The following PTPRD variants were observed in gnomAD, a reference collection of about 807,000 sequenced individuals.
PTPRD encodes protein tyrosine phosphatase receptor type D, also known as receptor-type tyrosine-protein phosphatase delta.
Under a neutral mutation model 214.5 loss-of-function variants are expected in PTPRD, and 34 were observed. The observed-to-expected ratio is 0.16, with a 90% CI of 0.12 to 0.21. The LOEUF is 0.21. Ranked by LOEUF, PTPRD falls within the 10% of genes least tolerant of loss-of-function variation. The pLI is 1.00. For synonymous variants in PTPRD, 1,128 were observed against 845.7 expected (o/e 1.33, Z -5.79); for missense variants, 2,545 against 2,398.7 (o/e 1.06, Z -1.27).
At chr9:8,957,782 G>A (rs577094968) in intron 11 of PTPRD, among the ~76,000 whole-genome samples, 1 of 151,850 alleles carries the variant, frequency 6.6e-6, no homozygotes, top group East Asian at 1.9e-4. Flanking sequence ...TCATATCTTA[G>A]TGGCCTAATG....
intron 11 of PTPRD, among the ~76,000 whole-genome samples, chr9:8,778,761 G>A (rs983836148): frequency 5.3e-5 from 8 of 152,080 alleles, no homozygotes; most frequent in Admixed American, 3.3e-4. Context: ...CTCTGAGACC[G>A]TGGCTACAAT....
Position 9,595,312 on chromosome 9 carries a change from T to A in PTPRD, c.-286-20531A>T, listed in dbSNP as rs989494186. ...ATTATATATATATATATATATATATTATATATATTTTATATATATAATATA... is the reference window on the plus strand; with the variant it reads ...ATTATATATATATATATATATATATAATATATATTTTATATATATAATATA... On this transcript the variant is annotated intron_variant, in intron 7 of 45. Coordinates refer to ENST00000381196, the MANE Select transcript of PTPRD (RefSeq NM_002839.4). 2.4e-3 allele frequency among the ~76,000 whole-genome samples: 194 copies of A among 81,704 alleles called. 1 individual carries two copies. The highest frequency in any genetic ancestry group is 5.7e-3 in the African/African-American group (187 of 32,874). The allele number at this position is 81,704 out of a possible 152,430, so 53.6% of individuals were successfully genotyped here. A position where few individuals can be genotyped will look rare whatever the true frequency, so the allele number is the denominator to read the frequency against.
At chr9:9,900,493 G>A (rs1174471322) in intron 5 of PTPRD, among the ~76,000 whole-genome samples, 2 of 152,026 alleles carry the variant, frequency 1.3e-5, no homozygotes, top group Non-Finnish European at 2.9e-5. Context: ...TACCTTCACT[G>A]TCCATATTTC....
intron 11 of PTPRD, among the ~76,000 whole-genome samples, chr9:8,863,175 TGTGTAGAGGAC>T (rs1209779971): frequency 6.6e-6 from 1 of 152,208 alleles, no homozygotes; most frequent in African/African-American, 2.4e-5. Context: ...TCACCTGCAG[TGTGTAGAGGAC>T]GTTATGGTAC....
rs751311350 is a variant in PTPRD at position 8,341,082 on chromosome 9, G to T, written c.5126+8C>A. The stretch of plus-strand genomic sequence containing the variant: ...GCTTTGGATAGTCAGGGGAGCAAAA[G>T]TAGATACCTGTATCCATCAATAAAA... On this transcript the variant is annotated splice_region_variant and intron_variant, in intron 41 of 45. Transcript: ENST00000381196. The T allele has an allele frequency of 5.7e-6, 9 of 1,583,926 alleles. No homozygotes were observed. Among genetic ancestry groups the T allele is most frequent in the Non-Finnish European group, 7.7e-6 (9 of 1,165,766 alleles).
intron 5 of PTPRD, among the ~76,000 whole-genome samples, chr9:9,870,774 A>C (rs914224210): frequency 1.3e-5 from 2 of 152,108 alleles, no homozygotes; most frequent in African/African-American, 4.8e-5. Flanking sequence ...ATTTATACAC[A>C]CACTCCAGGG....
chr9:8,449,960 C>T (rs1590826107), intron 33 of PTPRD, 123 bp from the exon 34 acceptor site: 2 of 921,800 alleles, frequency 2.2e-6, no homozygotes, highest in East Asian at 2.6e-5. Context: ...CTTTTCAACC[C>T]AGCTGACTTG....
chr9:8,973,800 T>A (rs2099252903), intron 11 of PTPRD, among the ~76,000 whole-genome samples: 1 of 152,184 alleles, frequency 6.6e-6, no homozygotes, highest in African/African-American at 2.4e-5. Flanking sequence ...TTGATTTGTA[T>A]TTCTCTGATG....
At chr9:8,887,992 T>C (rs2098506104) in intron 11 of PTPRD, among the ~76,000 whole-genome samples, 1 of 152,218 alleles carries the variant, frequency 6.6e-6, no homozygotes, top group South Asian at 2.1e-4. Context: ...ATTCATTATA[T>C]ATACCCACAA....
chr9:8,976,224 T>C (rs565148765), intron 11 of PTPRD, among the ~76,000 whole-genome samples: 27 of 152,192 alleles, frequency 1.8e-4, no homozygotes, highest in East Asian at 5.8e-4. Context: ...TATTTGATAG[T>C]TAGGGTAATC....
At chr9:9,415,769 G>A (rs1169785175) in intron 8 of PTPRD, among the ~76,000 whole-genome samples, 2 of 152,174 alleles carry the variant, frequency 1.3e-5, no homozygotes, top group African/African-American at 4.8e-5. Context: ...AGAGATATGA[G>A]TATTTCAGTA....
intron 10 of PTPRD, among the ~76,000 whole-genome samples, chr9:9,137,227 A>G (rs10977520): frequency 0.047 from 7,161 of 152,174 alleles, 369 homozygotes; most frequent in African/African-American, 0.12. Flanking sequence ...ATGAAATTTT[A>G]TTTTTATTGT....
At chr9:9,156,753 GA>G (rs2099881526) in intron 10 of PTPRD, among the ~76,000 whole-genome samples, 2 of 72,558 alleles carry the variant, frequency 2.8e-5, no homozygotes, top group Admixed American at 1.1e-4. Flanking sequence ...AAAAATCTTA[GA>G]GTCTTCTCCA....
intron 2 of PTPRD, among the ~76,000 whole-genome samples, chr9:10,421,166 G>C (rs1007704097): frequency 6.6e-6 from 1 of 150,644 alleles, no homozygotes; most frequent in African/African-American, 2.4e-5. Flanking sequence ...ATGCAGGTTG[G>C]ACAAGCTTGA....
chr9:9,908,551 A>G (rs2078272873), intron 5 of PTPRD, among the ~76,000 whole-genome samples: 1 of 152,054 alleles, frequency 6.6e-6, no homozygotes, highest in Admixed American at 6.6e-5. Flanking sequence ...TTATTTCTCA[A>G]ATGATAGTCC....
intron 3 of PTPRD, among the ~76,000 whole-genome samples, chr9:10,100,522 C>A (rs545121085): frequency 1.3e-5 from 2 of 151,598 alleles, no homozygotes; most frequent in East Asian, 3.9e-4. Flanking sequence ...GATCTCAGAG[C>A]CACTGGAAGT....
At chr9:10,194,462 G>C (rs976655429) in intron 3 of PTPRD, among the ~76,000 whole-genome samples, 1 of 151,194 alleles carries the variant, frequency 6.6e-6, no homozygotes, top group East Asian at 1.9e-4. Flanking sequence ...ATTATAAAGT[G>C]AGAATTGTTT....
intron 5 of PTPRD, among the ~76,000 whole-genome samples, chr9:9,916,217 G>T (rs2153836777): frequency 1.3e-5 from 2 of 152,012 alleles, no homozygotes; most frequent in Admixed American, 1.3e-4. Flanking sequence ...AGTCTTACAA[G>T]AAATGTTCAA....
intron 8 of PTPRD, among the ~76,000 whole-genome samples, chr9:9,515,611 A>G (rs898880743): frequency 3.9e-5 from 6 of 152,032 alleles, no homozygotes; most frequent in Non-Finnish European, 8.8e-5. Context: ...AACAATTATG[A>G]TTACAAGATA....
Sources: gnomAD v4.1 joint callset for allele counts (sites outside exome capture counted in the v4.1 genomes callset) on GRCh38, gnomAD v4.1.1 for gene constraint, MANE v1.5 for transcripts, NCBI Gene and HGNC (gene_info 2026-07-23, HGNC 2026-07-21) for gene names.